The following IGSF11 variants were observed in gnomAD, a reference collection of about 807,000 sequenced individuals.
The protein encoded by IGSF11 is CXADR like 1.
In IGSF11, 22 loss-of-function variants were observed where a neutral mutation model predicts 41.0. The observed-to-expected ratio is 0.54, with a 90% CI of 0.38 to 0.77. IGSF11 has a LOEUF of 0.77. Among genes scored for constraint, IGSF11 ranks in the 30% least tolerant of loss-of-function variants. The probability of loss-of-function intolerance (pLI) is 0.00; values close to 1 mark genes in which losing one functional copy is unlikely to be tolerated. For synonymous variants in IGSF11, 219 were observed against 201.3 expected (o/e 1.09, Z -0.74); for missense variants, 444 against 530.8 (o/e 0.84, Z 1.61).
chr3:118,926,345 C>A (rs367977485), intron 3 of IGSF11, 89 bp from the exon 4 acceptor site: 3 of 1,068,894 alleles, frequency 2.8e-6, no homozygotes, highest in East Asian at 2.7e-5. Context: ...TACATTGGAC[C>A]CTTAGATTAC....
At chr3:118,944,492 AC>A (rs1369791295) in intron 1 of IGSF11, among the ~76,000 whole-genome samples, 36 of 150,908 alleles carry the variant, frequency 2.4e-4, no homozygotes, top group African/African-American at 8.6e-4. Flanking sequence ...ACACACACAC[AC>A]ACACACACAC....
chr3:118,984,089 A>C (rs1935013531), intron 1 of IGSF11, among the ~76,000 whole-genome samples: 1 of 151,922 alleles, frequency 6.6e-6, no homozygotes, highest in Admixed American at 6.6e-5. Context: ...TTCCTCTTCT[A>C]GTCTATAAAA....
chr3:119,132,559 G>A (rs185425177), intron 1 of IGSF11, among the ~76,000 whole-genome samples: 7 of 152,012 alleles, frequency 4.6e-5, no homozygotes, highest in South Asian at 2.1e-4. Context: ...ATGGGAGCAC[G>A]CAGATTCATA....
rs150851123 is a variant in IGSF11, at chr3:119,025,886, A to G, written c.52+8645T>C. Among the ~76,000 whole-genome samples the G allele has an allele frequency of 1.4e-3, 214 of 152,308 alleles. 1 individual carries two copies. The highest frequency in any genetic ancestry group is 2.3e-3 in the Non-Finnish European group (159 of 68,016). ...GAGAAAACACAAATGTGCATAATGG[A>G]GAAACAGCTAAAAATTATGGCATAC... On this transcript the variant is annotated intron_variant, in intron 1 of 6. Transcript: ENST00000393775.
intron 1 of IGSF11, among the ~76,000 whole-genome samples, chr3:119,009,069 C>T (rs956261563): frequency 1.1e-4 from 16 of 152,142 alleles, no homozygotes; most frequent in Admixed American, 9.8e-4. Context: ...TACACACACA[C>T]ATACACACAC....
chr3:119,034,986 G>C (rs1378859363), upstream of IGSF11: 1 of 303,128 alleles, frequency 3.3e-6, no homozygotes, highest in Non-Finnish European at 4.9e-6. Context: ...GCGACGCCTG[G>C]CGGCCCACCC....
At chr3:119,006,508 G>C (rs1303119853) in intron 1 of IGSF11, among the ~76,000 whole-genome samples, 1 of 131,236 alleles carries the variant, frequency 7.6e-6, no homozygotes, top group African/African-American at 3.3e-5. Flanking sequence ...TGCTGCTGAG[G>C]AACTGCGCTC....
intron 1 of IGSF11, among the ~76,000 whole-genome samples, chr3:119,006,471 A>G (rs371772097): frequency 3.1e-5 from 4 of 128,524 alleles, no homozygotes; most frequent in Admixed American, 7.9e-5. Flanking sequence ...GCTCGTCAAA[A>G]TCATTCTCCA....
At chr3:119,134,007 C>A (rs1250407926) in intron 1 of IGSF11, among the ~76,000 whole-genome samples, 1 of 152,124 alleles carries the variant, frequency 6.6e-6, no homozygotes, top group Admixed American at 6.5e-5. Context: ...TTTGACAAAA[C>A]TCAACAGCCC....
intron 3 of IGSF11, among the ~76,000 whole-genome samples, chr3:118,928,126 T>C (rs1942501128): frequency 6.6e-6 from 1 of 152,148 alleles, no homozygotes; most frequent in African/African-American, 2.4e-5. Context: ...TATGAAGTAA[T>C]AGTATTATTC....
At chr3:119,128,368 A>G (rs531354668) in intron 1 of IGSF11, among the ~76,000 whole-genome samples, 1 of 152,094 alleles carries the variant, frequency 6.6e-6, no homozygotes, top group East Asian at 1.9e-4. Context: ...AAAAGAAAGA[A>G]AGAGAGAGAG....
At chr3:118,907,070 C>T (rs902974618) in intron 4 of IGSF11, among the ~76,000 whole-genome samples, 10 of 152,090 alleles carry the variant, frequency 6.6e-5, no homozygotes, top group African/African-American at 2.4e-4. Flanking sequence ...AGCCTCCTAA[C>T]AGGACAAGTA....
intron 1 of IGSF11, among the ~76,000 whole-genome samples, chr3:119,122,177 G>A (rs2077342023): frequency 6.6e-6 from 1 of 152,180 alleles, no homozygotes; most frequent in Admixed American, 6.5e-5. Flanking sequence ...GTCTTGAATT[G>A]CTGATGTTAC....
At chr3:119,052,463 G>C (rs1265372743) in intron 1 of IGSF11, among the ~76,000 whole-genome samples, 2 of 136,514 alleles carry the variant, frequency 1.5e-5, no homozygotes, top group African/African-American at 2.7e-5. Context: ...GAGAGGGAGG[G>C]AGGGAGGGAA....
intron 1 of IGSF11, among the ~76,000 whole-genome samples, chr3:119,122,375 G>A (rs1373007327): frequency 3.3e-5 from 5 of 152,218 alleles, no homozygotes; most frequent in African/African-American, 1.2e-4. Context: ...CTAGCCAGAG[G>A]GAAATTGCCC....
rs142088380 is a variant in IGSF11 at position 119,085,531 on chromosome 3, T to C, written c.49+19613A>G. Among the ~76,000 whole-genome samples the C allele has an allele frequency of 6.9e-3, 1,045 of 152,280 alleles. 5 individuals carry two copies. The highest frequency in any genetic ancestry group is 0.017 in the Middle Eastern group (5 of 294). ...CCACTAGGTCCCCAGCAATGGTTCT[T>C]AACCAATCTGAAATGTCTGAAGTAA... On this transcript the variant is annotated intron_variant, in intron 1 of 6. Coordinates refer to the IGSF11 transcript ENST00000354673.
chr3:118,964,254 A>G (rs1945525591), intron 1 of IGSF11, among the ~76,000 whole-genome samples: 1 of 152,186 alleles, frequency 6.6e-6, no homozygotes, highest in African/African-American at 2.4e-5. Context: ...ATAAAAGAGC[A>G]ACTAAGTGAA....
intron 1 of IGSF11, among the ~76,000 whole-genome samples, chr3:119,007,670 T>G (rs370516948): frequency 6.6e-6 from 1 of 152,084 alleles, no homozygotes; most frequent in South Asian, 2.1e-4. Context: ...GTAAGCCCCA[T>G]CCTTGCTTTA....
intron 1 of IGSF11, among the ~76,000 whole-genome samples, chr3:119,094,223 T>TTA (rs1491294473): frequency 2.9e-5 from 1 of 35,066 alleles, no homozygotes; most frequent in African/African-American, 8.0e-5. Flanking sequence ...CATAGCGAAG[T>TTA]AAAAAAAAAA....
Sources: gnomAD v4.1 joint callset for allele counts (sites outside exome capture counted in the v4.1 genomes callset) on GRCh38, gnomAD v4.1.1 for gene constraint, MANE v1.5 for transcripts, NCBI Gene and HGNC (gene_info 2026-07-23, HGNC 2026-07-21) for gene names.